The following RET variants were observed in gnomAD, a reference collection of about 807,000 sequenced individuals.
RET encodes ret proto-oncogene, also known as proto-oncogene tyrosine-protein kinase receptor Ret.
A neutral mutation model predicts 118.3 loss-of-function variants in RET; 19 were observed. That is an observed-to-expected ratio of 0.16 (90% CI 0.11 to 0.24). RET has a LOEUF of 0.24. Among genes scored for constraint, RET ranks in the 10% least tolerant of loss-of-function variants. The probability of loss-of-function intolerance (pLI) is 1.00; values close to 1 mark genes in which losing one functional copy is unlikely to be tolerated. For synonymous variants in RET, 597 were observed against 644.1 expected (o/e 0.93, Z 1.11); for missense variants, 1,219 against 1,502.1 (o/e 0.81, Z 3.12).
chr10:43,083,658 A>G (rs958521786), intron 1 of RET, among the ~76,000 whole-genome samples: 48 of 152,360 alleles, frequency 3.2e-4, no homozygotes, highest in African/African-American at 1.1e-3. Context: ...GTGTACCTGC[A>G]CACACTTCTG....
At chr10:43,094,364 G>A (rs768103995) in intron 1 of RET, among the ~76,000 whole-genome samples, 1 of 152,208 alleles carries the variant, frequency 6.6e-6, no homozygotes, top group African/African-American at 2.4e-5. Context: ...TGGGGCTGGT[G>A]TCGCATGAGG....
chr10:43,102,820 A>C lies in RET; in HGVS notation c.625+191A>C, dbSNP rs1049606673. The stretch of plus-strand genomic sequence containing the variant: ...CTAGGAGCTAAGGATATAACAATGA[A>C]CACAACGGGTTGGAATCTTGCCTGC... On this transcript the variant is annotated intron_variant, in intron 3 of 19. Transcript: ENST00000355710. The C allele has an allele frequency of 4.4e-6, 3 of 681,504 alleles. No individual in the cohort carries two copies. In the African/African-American group the frequency reaches 5.4e-5, roughly 12 times the overall value. The allele number at this position is 681,504 out of a possible 1,614,324, so 42.2% of individuals were successfully genotyped here. A position where few individuals can be genotyped will look rare whatever the true frequency, so the allele number is the denominator to read the frequency against.
intron 2 of RET, 90 bp downstream of exon 2, chr10:43,100,812 C>A (rs1837626664): frequency 7.3e-7 from 1 of 1,375,414 alleles, no homozygotes; most frequent in Non-Finnish European, 1.0e-6. Flanking sequence ...TGAAGCTTGG[C>A]ATGGCTTCCC....
At chr10:43,090,484 G>A (rs964539874) in intron 1 of RET, among the ~76,000 whole-genome samples, 3 of 152,112 alleles carry the variant, frequency 2.0e-5, no homozygotes, top group African/African-American at 7.2e-5. Flanking sequence ...ATGGGTCCCT[G>A]CCTTGCTCAG....
At chr10:43,102,066 C>G (rs1312918786) in intron 2 of RET, among the ~76,000 whole-genome samples, 3 of 152,188 alleles carry the variant, frequency 2.0e-5, no homozygotes, top group African/African-American at 7.2e-5. Flanking sequence ...AGTTGGGGAG[C>G]CTTAGACCCA....
chr10:43,120,051 C>T (rs757085995), intron 14 of RET, 30 bp from the exon 15 acceptor site: 1 of 1,612,086 alleles, frequency 6.2e-7, no homozygotes, highest in Non-Finnish European at 8.5e-7. Flanking sequence ...CTGGCCATGG[C>T]CTGACGACTC....
In RET at chr10:43,130,066, T is replaced by G. The variant is rs886047013; in HGVS notation, c.*1797T>G. 5.8e-5 allele frequency: 23 copies of G among 398,534 alleles called. No individual in the cohort carries two copies. The highest frequency in any genetic ancestry group is 2.6e-4 in the Admixed American group (6 of 22,720). 24.7% of individuals were successfully genotyped at this position (398,534 alleles called of 1,614,324 possible). On this transcript the variant is annotated 3_prime_UTR_variant, in exon 20 of 20. Coordinates refer to ENST00000355710, the MANE Select transcript of RET (RefSeq NM_020975.6). ...CTCCAGGTCTAAACAGCTGACCCAGTGATGGGGAATTTATCCTTGACCAAT... is the reference window on the plus strand; with the variant it reads ...CTCCAGGTCTAAACAGCTGACCCAGGGATGGGGAATTTATCCTTGACCAAT...
At chr10:43,123,935 C>T in intron 17 of RET, 127 bp downstream of exon 17, 2 of 1,431,372 alleles carry the variant, frequency 1.4e-6, no homozygotes, top group South Asian at 2.4e-5. Context: ...GTGGGCAGGG[C>T]AGAGGTTAGA....
Position 43,114,713 on chromosome 10 carries a change from T to C in RET, c.2113T>C (p.Ser705Pro), listed in dbSNP as rs2132855039. 1 of 1,611,418 alleles carries C rather than the reference T, an allele frequency of 6.2e-7. No individual in the cohort carries two copies. The highest frequency in any genetic ancestry group is 8.5e-7 in the Non-Finnish European group (1 of 1,179,844). ...GCTGGACTCCATGGAGAACCAGGTC[T>C]CCGTGGATGCCTTCAAGATCCTGGT... ...PSLDSMENQV[S>P]VDAFKILEDP... Residue 705 changes from serine (S) to proline (P), a missense_variant, in exon 11 of 20, where the codon TCC becomes CCC. By Grantham distance (74) the Ser-to-Pro change is moderately conservative. Around this residue, in one of 5 missense-constraint regions of RET, gnomAD observed 850 missense variants for 969.6 expected, o/e 0.88. Transcript: ENST00000355710. The surrounding 1 kb of genome is among the most constrained non-coding windows in gnomAD (Gnocchi z 4.6).
intron 1 of RET, among the ~76,000 whole-genome samples, chr10:43,080,363 G>A (rs1437762532): frequency 6.6e-6 from 1 of 152,216 alleles, no homozygotes; most frequent in African/African-American, 2.4e-5. Context: ...ACCCCATGGG[G>A]GCTCACAGTG....
At chr10:43,100,826 C>CA in intron 2 of RET, 104 bp downstream of exon 2, 1 of 1,303,336 alleles carries the variant, frequency 7.7e-7, no homozygotes, top group Non-Finnish European at 1.1e-6. Flanking sequence ...GCTTCCCCCC[C>CA]ACCGCTGGTG....
rs1264337497 is a variant in RET at position 43,105,050 on chromosome 10, G to T, written c.724G>T (p.Val242Leu). 1 of 1,608,178 alleles carries T rather than the reference G, an allele frequency of 6.2e-7. No homozygotes were observed. Residue 242 changes from valine (V) to leucine (L), a missense_variant, in exon 4 of 20, where the codon GTG becomes TTG. Coordinates refer to ENST00000355710, the MANE Select transcript of RET (RefSeq NM_020975.6). ...EQREKYELVA[V>L]CTVHAGAREE... Reference sequence around the variant, plus strand: ...GCGGGAGAAGTACGAGCTGGTGGCCGTGTGCACCGTGCACGCCGGCGCGCG... The same window carrying T: ...GCGGGAGAAGTACGAGCTGGTGGCCTTGTGCACCGTGCACGCCGGCGCGCG...
At chr10:43,116,545 T>C (rs1172030920) in intron 11 of RET, 39 bp from the exon 12 acceptor site, 1 of 1,612,876 alleles carries the variant, frequency 6.2e-7, no homozygotes, top group Non-Finnish European at 8.5e-7. Flanking sequence ...CCTCACACTT[T>C]TCCCCCCTCT....
At chr10:43,121,550 C>T (rs566602067) in intron 15 of RET, among the ~76,000 whole-genome samples, 9 of 152,338 alleles carry the variant, frequency 5.9e-5, no homozygotes, top group African/African-American at 2.2e-4. Flanking sequence ...AGTGTGGTAG[C>T]TGCTGGCAAA....
chr10:43,079,293 C>T (rs747209659), intron 1 of RET, among the ~76,000 whole-genome samples: 10 of 152,316 alleles, frequency 6.6e-5, no homozygotes, highest in South Asian at 2.1e-4. Flanking sequence ...GCCTCACCCA[C>T]GTCCACACAG....
intron 5 of RET, among the ~76,000 whole-genome samples, chr10:43,107,593 ACACACACACC>A: frequency 6.7e-6 from 1 of 149,710 alleles, no homozygotes. Context: ...ACACACACAC[ACACACACACC>A]CTGTTACCCA....
intron 18 of RET, 58 bp from the exon 19 acceptor site, chr10:43,126,517 T>G: frequency 8.2e-6 from 12 of 1,459,124 alleles, no homozygotes; most frequent in Non-Finnish European, 9.6e-6. Context: ...TGTTGTATAC[T>G]GAGTTGTATC....
intron 1 of RET, among the ~76,000 whole-genome samples, chr10:43,079,553 T>C (rs945400851): frequency 6.6e-6 from 1 of 152,242 alleles, no homozygotes. Context: ...GCTTCTGGGG[T>C]TCCCCCCAGG....
At chr10:43,085,023 A>C (rs1837260645) in intron 1 of RET, among the ~76,000 whole-genome samples, 1 of 152,138 alleles carries the variant, frequency 6.6e-6, no homozygotes, top group Non-Finnish European at 1.5e-5. Context: ...CCGTGGTGTG[A>C]TGTCATGCTG....
Sources: gnomAD v4.1 joint callset for allele counts (sites outside exome capture counted in the v4.1 genomes callset) on GRCh38, gnomAD v4.1.1 for gene constraint, gnomAD v4.1.1 regional missense constraint, Gnocchi (gnomAD v3.1) non-coding constraint, MANE v1.5 for transcripts, NCBI Gene and HGNC (gene_info 2026-07-23, HGNC 2026-07-21) for gene names.